IL16: variants seen among roughly 807,000 people sequenced by gnomAD.
IL16 encodes pro-interleukin-16.
Under a neutral mutation model 110.1 loss-of-function variants are expected in IL16, and 67 were observed. The ratio of observed to expected loss-of-function variants is 0.61; its 90% CI spans 0.50 to 0.75. IL16 has a LOEUF of 0.75. Ranked by LOEUF, IL16 falls within the 30% of genes least tolerant of loss-of-function variation. The probability of loss-of-function intolerance (pLI) is 0.00; values close to 1 mark genes in which losing one functional copy is unlikely to be tolerated. For synonymous variants in IL16, 689 were observed against 662.9 expected (o/e 1.04, Z -0.61); for missense variants, 1,545 against 1,655.0 (o/e 0.93, Z 1.15).
chr15:81,269,590 C>G lies in IL16; in HGVS notation c.617C>G (p.Ser206Cys). 6.8e-6 allele frequency: 11 copies of G among 1,614,186 alleles called. No individual in the cohort carries two copies. The highest frequency in any genetic ancestry group is 9.3e-6 in the Non-Finnish European group (11 of 1,180,008). The change falls in exon 5 of 19, where the codon TCT (serine) becomes TGT (cysteine). Residue 206 changes from serine to cysteine, a missense_variant. Around this residue, in one of 3 missense-constraint regions of IL16, gnomAD observed 1,185 missense variants for 1,238.8 expected, o/e 0.96. Coordinates refer to ENST00000683961, the MANE Select transcript of IL16 (RefSeq NM_172217.5). ...SLSTAQLVQP[S>C]GGLQASVISN... ...AGCACAGCTCAGCTCGTGCAGCCATCTGGGGGCCTCCAGGCTTCAGTCATC... is the reference window on the plus strand; with the variant it reads ...AGCACAGCTCAGCTCGTGCAGCCATGTGGGGGCCTCCAGGCTTCAGTCATC...
chr15:81,289,559 T>C (rs1196424456), intron 10 of IL16, among the ~76,000 whole-genome samples: 1 of 152,272 alleles, frequency 6.6e-6, no homozygotes, highest in Non-Finnish European at 1.5e-5. Context: ...ATTTGCTTTT[T>C]GGCTGTTTGT....
Position 81,196,937 on chromosome 15 carries a change from C to T in IL16, c.-317C>T, listed in dbSNP as rs1895614476. The T allele has an allele frequency of 7.2e-6, 9 of 1,255,422 alleles. No homozygotes were observed. The highest frequency in any genetic ancestry group is 9.2e-6 in the Non-Finnish European group (9 of 976,010). 77.8% of individuals were successfully genotyped at this position (1,255,422 alleles called of 1,614,324 possible). On this transcript the variant is annotated 5_prime_UTR_variant, in exon 1 of 19. Transcript: ENST00000683961. ...GGTGAATATTGTGTCCTACTCACGG[C>T]ATCTCAACTATCGGAGCCTGGGATC...
intron 1 of IL16, among the ~76,000 whole-genome samples, chr15:81,199,602 A>T (rs993313987): frequency 2.0e-5 from 3 of 152,184 alleles, no homozygotes; most frequent in Non-Finnish European, 4.4e-5. Flanking sequence ...ATGCTCCTCC[A>T]GTGGACAGTT....
chr15:81,285,859 C>A (rs4477649), intron 10 of IL16, 29 bp downstream of exon 10: 1 of 1,611,398 alleles, frequency 6.2e-7, no homozygotes, highest in Admixed American at 1.7e-5. Flanking sequence ...TCCTCTTCTT[C>A]TCAGGCTCAC....
intron 6 of IL16, 92 bp downstream of exon 6, chr15:81,273,296 A>C: frequency 1.1e-6 from 1 of 912,322 alleles, no homozygotes; most frequent in Non-Finnish European, 1.7e-6. Context: ...GGAATGCAAA[A>C]TGTGTCTTGA....
intron 2 of IL16, among the ~76,000 whole-genome samples, chr15:81,229,413 C>T (rs539644357): frequency 6.6e-6 from 1 of 152,024 alleles, no homozygotes; most frequent in South Asian, 2.1e-4. Context: ...CTCACAGGGG[C>T]TTGGAAGAAT....
chr15:81,282,530 A>G, intron 8 of IL16, 109 bp from the exon 9 acceptor site: 1 of 791,834 alleles, frequency 1.3e-6, no homozygotes, highest in Non-Finnish European at 2.2e-6. Flanking sequence ...TACGGGTGGG[A>G]TGAAAGCTGT....
At chr15:81,291,423 G>A (rs1899711641) in intron 11 of IL16, among the ~76,000 whole-genome samples, 1 of 152,042 alleles carries the variant, frequency 6.6e-6, no homozygotes, top group Admixed American at 6.5e-5. Flanking sequence ...TTTTCTCTAA[G>A]GAGGATGCAT....
chr15:81,250,404 T>C (rs569063259), intron 2 of IL16, among the ~76,000 whole-genome samples: 2 of 152,328 alleles, frequency 1.3e-5, no homozygotes, highest in South Asian at 4.1e-4. Context: ...CTCAAGCTCT[T>C]GGCCTCAAGT....
At chr15:81,265,409 T>C (rs1250190583) in intron 3 of IL16, among the ~76,000 whole-genome samples, 2 of 152,100 alleles carry the variant, frequency 1.3e-5, no homozygotes, top group Non-Finnish European at 2.9e-5. Context: ...TCTTGTTGCA[T>C]TGAATGGAGG....
At chr15:81,276,550 G>A (rs1427914183) in intron 6 of IL16, among the ~76,000 whole-genome samples, 1 of 152,184 alleles carries the variant, frequency 6.6e-6, no homozygotes, top group Non-Finnish European at 1.5e-5. Flanking sequence ...AAGCCAACAG[G>A]CCCCAGGGGA....
At chr15:81,237,760 A>G (rs1897221722) in intron 2 of IL16, among the ~76,000 whole-genome samples, 1 of 152,022 alleles carries the variant, frequency 6.6e-6, no homozygotes, top group Non-Finnish European at 1.5e-5. Flanking sequence ...TAGCATTTAC[A>G]TGGTGTCTAT....
chr15:81,300,492 G>C lies in IL16; in HGVS notation c.3149+17G>C. 1 of 1,535,330 alleles carries C rather than the reference G, an allele frequency of 6.5e-7. No individual in the cohort carries two copies. Among genetic ancestry groups the C allele is most frequent in the Non-Finnish European group, 9.0e-7 (1 of 1,115,648 alleles). ...CTCGCTCAAGTGAGTTTCTACACCCGGTGTTTCTCTTTACCTTTCTCATCT... is the reference window on the plus strand; with the variant it reads ...CTCGCTCAAGTGAGTTTCTACACCCCGTGTTTCTCTTTACCTTTCTCATCT... On this transcript the variant is annotated intron_variant, in intron 14 of 18. Transcript: ENST00000683961.
intron 2 of IL16, among the ~76,000 whole-genome samples, chr15:81,232,878 A>G (rs988369184): frequency 6.6e-6 from 1 of 152,160 alleles, no homozygotes; most frequent in Admixed American, 6.6e-5. Flanking sequence ...ACCTCATGAA[A>G]TGAGTTAGGA....
At chr15:81,231,977 A>G (rs1404449741) in intron 2 of IL16, among the ~76,000 whole-genome samples, 2 of 134,806 alleles carry the variant, frequency 1.5e-5, no homozygotes, top group African/African-American at 5.5e-5. Context: ...GCACAGTTCA[A>G]TTTACTGAAG....
chr15:81,225,529 C>T lies in IL16; in HGVS notation c.130C>T (p.Pro44Ser). 1 of 1,614,132 alleles carries T rather than the reference C, an allele frequency of 6.2e-7. No individual in the cohort carries two copies. Among genetic ancestry groups the T allele is most frequent in the Admixed American group, 1.7e-5 (1 of 60,026 alleles). Residue 44 changes from proline (P) to serine (S), a missense_variant, in exon 2 of 19, where the codon CCC (proline) becomes TCC (serine). Pro to Ser is a moderately conservative substitution (Grantham distance 74). Transcript: ENST00000683961. ...GSSPDEKYPD[P>S]FEISLAQGKE... ...TAGCCCTGATGAGAAATATCCTGAT[C>T]CCTTTGAGATTTCCTTGGCCCAGGG... is the stretch of plus-strand genomic sequence containing the variant.
intron 2 of IL16, among the ~76,000 whole-genome samples, chr15:81,231,380 C>CTCTA: frequency 6.8e-6 from 1 of 146,482 alleles, no homozygotes; most frequent in East Asian, 2.0e-4. Flanking sequence ...CTCTCTCTCT[C>CTCTA]TCCCTCTCTT....
chr15:81,279,559 A>C lies in IL16; in HGVS notation c.866A>C (p.Gln289Pro). ...TGTAGCCCTCTCTCTTTCTTTCAGC[A>C]AGCCAAAAAGGGGCTCCTCACCCTC... ...THQDALQKFK[Q>P]AKKGLLTLTV... The change falls in exon 8 of 19, where the codon CAA becomes CCA. Residue 289 changes from glutamine (Q) to proline (P), a missense_variant and splice_region_variant. By Grantham distance (76) the Gln-to-Pro change is moderately conservative (BLOSUM62 -1). This residue lies in a region of IL16 where 1,185 missense variants were observed against 1,238.8 expected (regional missense o/e 0.96). Coordinates refer to ENST00000683961, the MANE Select transcript of IL16 (RefSeq NM_172217.5). The C allele has an allele frequency of 6.2e-7, 1 of 1,610,306 alleles. No individual in the cohort carries two copies. Among genetic ancestry groups the C allele is most frequent in the Non-Finnish European group, 8.5e-7 (1 of 1,178,900 alleles).
At position 81,308,887 on chromosome 15, in the gene IL16, A is replaced by G; in HGVS notation, c.*89A>G. ...TTCTCAGGGTCTCTGCTGCCGCCCC[A>G]CCCAGATGGGGGAAAGCACAGGTGG... is the stretch of plus-strand genomic sequence containing the variant. On this transcript the variant is annotated 3_prime_UTR_variant, in exon 19 of 19. Coordinates refer to ENST00000683961, the MANE Select transcript of IL16 (RefSeq NM_172217.5). The G allele has an allele frequency of 8.3e-7, 1 of 1,209,362 alleles. No individual in the cohort carries two copies. Among genetic ancestry groups the G allele is most frequent in the Non-Finnish European group, 1.2e-6 (1 of 866,980 alleles). 74.9% of individuals were successfully genotyped at this position (1,209,362 alleles called of 1,614,324 possible). A position where few individuals can be genotyped will look rare whatever the true frequency, so the allele number is the denominator to read the frequency against.
Sources: allele counts gnomAD v4.1 joint callset (sites outside exome capture counted in the v4.1 genomes callset), GRCh38; gene constraint gnomAD v4.1.1; regional missense constraint gnomAD v4.1.1; transcripts MANE v1.5; gene names NCBI Gene and HGNC (gene_info 2026-07-23, HGNC 2026-07-21).